The following CTNNA2 variants were observed in gnomAD, a reference collection of about 807,000 sequenced individuals.
CTNNA2 encodes catenin alpha-2.
CTNNA2 carries 42 observed loss-of-function variants against 101.0 expected under a neutral mutation model. That is an observed-to-expected ratio of 0.42 (90% confidence interval 0.32 to 0.54). CTNNA2 has a LOEUF of 0.54. Ranked by LOEUF, CTNNA2 falls within the 20% of genes least tolerant of loss-of-function variation. CTNNA2 has a pLI of 0.14. For synonymous variants in CTNNA2, 450 were observed against 456.4 expected (o/e 0.99, Z 0.18); for missense variants, 871 against 1,223.1 (o/e 0.71, Z 4.29).
At chr2:80,216,134 A>G (rs1282059808) in intron 7 of CTNNA2, among the ~76,000 whole-genome samples, 3 of 152,158 alleles carry the variant, frequency 2.0e-5, no homozygotes, top group Non-Finnish European at 4.4e-5. Flanking sequence ...GGGTGGGAGT[A>G]TACCGATTTT....
chr2:79,969,972 G>A (rs1025875443), intron 7 of CTNNA2, among the ~76,000 whole-genome samples: 8 of 152,130 alleles, frequency 5.3e-5, no homozygotes, highest in African/African-American at 1.2e-4. Flanking sequence ...TAGATGGCAC[G>A]ATTTGAAAGT....
chr2:79,836,557 C>T (rs1679378464), intron 3 of CTNNA2, among the ~76,000 whole-genome samples: 1 of 152,174 alleles, frequency 6.6e-6, no homozygotes, highest in Non-Finnish European at 1.5e-5. Context: ...TTTAACAGCT[C>T]TGGAGGCTAG....
chr2:80,555,042 C>A (rs529116379), intron 11 of CTNNA2, among the ~76,000 whole-genome samples: 1 of 152,276 alleles, frequency 6.6e-6, no homozygotes, highest in Middle Eastern at 3.4e-3. Flanking sequence ...TCTGAGGGAA[C>A]CAGCCACAAG....
chr2:80,328,864 C>G (rs1382704304), intron 7 of CTNNA2, among the ~76,000 whole-genome samples: 1 of 152,068 alleles, frequency 6.6e-6, no homozygotes, highest in Non-Finnish European at 1.5e-5. Flanking sequence ...GTCCCAGCAC[C>G]ATTACGGAAT....
intron 7 of CTNNA2, among the ~76,000 whole-genome samples, chr2:80,251,491 G>C (rs990523401): frequency 5.9e-5 from 9 of 152,068 alleles, no homozygotes; most frequent in Non-Finnish European, 8.8e-5. Context: ...CTCTTAAACT[G>C]TGTAATGAAA....
intron 4 of CTNNA2, among the ~76,000 whole-genome samples, chr2:79,395,785 C>T (rs1573145422): frequency 1.3e-5 from 2 of 152,158 alleles, no homozygotes; most frequent in African/African-American, 2.4e-5. Context: ...GAATCAAGAG[C>T]TTGATATGTT....
chr2:79,609,629 G>A (rs1007361931), intron 1 of CTNNA2, among the ~76,000 whole-genome samples: 12 of 152,090 alleles, frequency 7.9e-5, no homozygotes, highest in African/African-American at 2.7e-4. Context: ...AGAAAGTCCA[G>A]GAATAGACCA....
intron 3 of CTNNA2, among the ~76,000 whole-genome samples, chr2:79,367,841 C>T (rs1297844201): frequency 6.6e-6 from 1 of 152,140 alleles, no homozygotes; most frequent in African/African-American, 2.4e-5. Context: ...TGGATTATCT[C>T]AATTACTCTG....
chr2:79,241,118 A>G (rs1258317886), intron 2 of CTNNA2, among the ~76,000 whole-genome samples: 1 of 152,238 alleles, frequency 6.6e-6, no homozygotes, highest in Non-Finnish European at 1.5e-5. Context: ...AACTAATCTC[A>G]TAGAAAACTC....
intron 7 of CTNNA2, among the ~76,000 whole-genome samples, chr2:80,152,508 A>G (rs376877590): frequency 6.6e-6 from 1 of 152,064 alleles, no homozygotes; most frequent in Non-Finnish European, 1.5e-5. Context: ...TAAATGTTTG[A>G]TGAGAAGTTT....
chr2:79,982,299 T>TATATAAAAC (rs1358126833), intron 7 of CTNNA2, among the ~76,000 whole-genome samples: 17 of 133,892 alleles, frequency 1.3e-4, no homozygotes, highest in Admixed American at 4.5e-4. Flanking sequence ...ATATATAACA[T>TATATAAAAC]ATATAAAACA....
intron 4 of CTNNA2, among the ~76,000 whole-genome samples, chr2:79,499,610 C>A (rs1671298334): frequency 6.6e-6 from 1 of 152,138 alleles, no homozygotes; most frequent in South Asian, 2.1e-4. Context: ...GTAATAGGAC[C>A]CCTCTAAAGC....
At chr2:80,191,253 G>GA (rs1273526854) in intron 7 of CTNNA2, among the ~76,000 whole-genome samples, 2 of 152,110 alleles carry the variant, frequency 1.3e-5, no homozygotes, top group African/African-American at 2.4e-5. Flanking sequence ...CTAGCTTAGG[G>GA]AAAAAAACAA....
intron 12 of CTNNA2, among the ~76,000 whole-genome samples, chr2:80,573,923 CTT>C (rs1243460772): frequency 2.0e-5 from 3 of 152,076 alleles, no homozygotes; most frequent in African/African-American, 7.2e-5. Context: ...GTTTTAAAAA[CTT>C]TGTCTTTTGC....
chr2:79,770,991 A>T (rs572432175), intron 3 of CTNNA2, among the ~76,000 whole-genome samples: 1 of 152,354 alleles, frequency 6.6e-6, no homozygotes, highest in East Asian at 1.9e-4. Context: ...ATTAGAATGC[A>T]GATCAAGCTG....
At chr2:79,258,845 CAAAAAAA>C (rs869066159) in intron 2 of CTNNA2, among the ~76,000 whole-genome samples, 2 of 91,400 alleles carry the variant, frequency 2.2e-5, no homozygotes, top group Non-Finnish European at 4.1e-5. Flanking sequence ...AATCCTCTAC[CAAAAAAA>C]AAAAAAAAAA....
intron 1 of CTNNA2, among the ~76,000 whole-genome samples, chr2:79,618,201 T>G: frequency 6.6e-6 from 1 of 152,248 alleles, no homozygotes; most frequent in East Asian, 1.9e-4. Context: ...CAACAAAGTC[T>G]GCCATGTCCT....
At chr2:80,033,038 A>G (rs111405594) in intron 7 of CTNNA2, among the ~76,000 whole-genome samples, 70 of 150,952 alleles carry the variant, frequency 4.6e-4, no homozygotes, top group African/African-American at 1.7e-3. Context: ...GTAGTCCCAG[A>G]TACTCAGGAG....
intron 4 of CTNNA2, among the ~76,000 whole-genome samples, chr2:79,466,768 G>T (rs548099413): frequency 7.2e-5 from 11 of 152,320 alleles, no homozygotes; most frequent in East Asian, 1.9e-4. Context: ...GGAGAAAAAG[G>T]TCTGGAGTGG....
Sources: gnomAD v4.1 joint callset for allele counts (sites outside exome capture counted in the v4.1 genomes callset) on GRCh38, gnomAD v4.1.1 for gene constraint, MANE v1.5 for transcripts, NCBI Gene and HGNC (gene_info 2026-07-23, HGNC 2026-07-21) for gene names.